The following PHEX variants were observed in gnomAD, a reference collection of about 807,000 sequenced individuals.
The protein encoded by PHEX is phosphate-regulating neutral endopeptidase PHEX.
Under a neutral mutation model 68.0 loss-of-function variants are expected in PHEX, and 16 were observed. The observed-to-expected ratio is 0.24, with a 90% CI of 0.16 to 0.36. The LOEUF (loss-of-function observed/expected upper bound fraction) is 0.36, where lower values mean the gene tolerates loss of function less well. Ranked by LOEUF, PHEX falls within the 10% of genes least tolerant of loss-of-function variation. The pLI is 1.00. For missense variants in PHEX, 480 were observed against 575.5 expected (o/e 0.83, Z 1.70); for synonymous variants, 208 against 205.1 (o/e 1.01, Z -0.12).
chrX:22,114,104 C>T (rs956252251), intron 10 of PHEX, among the ~76,000 whole-genome samples: 2 of 108,411 alleles, frequency 1.8e-5, no homozygotes, highest in African/African-American at 3.4e-5. Context: ...CATGCACCAC[C>T]GTGCCCGGCT....
rs143603077 is a variant in PHEX at position 22,159,116 on chromosome X, G to A, written c.1405-9196G>A. 0.012 allele frequency among the ~76,000 whole-genome samples: 1,325 copies of A among 113,397 alleles called. 63 individuals are homozygous for A. The East Asian group carries it at 0.21, about 18-fold the overall frequency. ...CTTGATAGCTAAGCCGTGCGTGCAC[G>A]TGCACACACATGCACACAGATGATG... is the stretch of plus-strand genomic sequence containing the variant. On this transcript the variant is annotated intron_variant, in intron 12 of 21. Transcript: ENST00000379374.
At chrX:22,090,376 G>T (rs931463073) in intron 5 of PHEX, 53 bp from the exon 6 acceptor site, 4 of 939,699 alleles carry the variant, frequency 4.3e-6, no homozygotes, top group South Asian at 1.9e-5. Flanking sequence ...TGTTAACATG[G>T]TACGTAAGAA....
chrX:22,194,109 C>A (rs1451662604), intron 15 of PHEX, among the ~76,000 whole-genome samples: 1 of 111,989 alleles, frequency 8.9e-6, no homozygotes, highest in African/African-American at 3.2e-5. Context: ...AAGGGCTAAT[C>A]CTATCAGAGG....
chrX:22,218,874 G>T (rs1470903887), intron 16 of PHEX, among the ~76,000 whole-genome samples, 162 bp from the exon 17 acceptor site: 3 of 112,297 alleles, frequency 2.7e-5, no homozygotes, highest in Non-Finnish European at 5.6e-5. Flanking sequence ...CAATTGGAAG[G>T]TATGTTTAGA....
intron 3 of PHEX, among the ~76,000 whole-genome samples, chrX:22,074,973 A>T (rs1484376523): frequency 9.2e-6 from 1 of 108,656 alleles, no homozygotes; most frequent in African/African-American, 3.4e-5. Context: ...GCTACTCGGG[A>T]GGCTGAGACA....
Position 22,131,042 on chromosome X carries a change from A to AT in PHEX, c.1303-2471dup, listed in dbSNP as rs918423685. On this transcript the variant is annotated intron_variant, in intron 11 of 21. Coordinates refer to ENST00000379374, the MANE Select transcript of PHEX (RefSeq NM_000444.6). ...TATTTAGAAATTTTTTGTCAGTATT[A>AT]TTTTTTTTTTCTTTTGAGACTGAGT... Among the ~76,000 whole-genome samples the AT allele has an allele frequency of 3.0e-4, 32 of 107,013 alleles. No individual in the cohort carries two copies. The East Asian group carries it at 3.2e-3, about 11-fold the overall frequency. 92.9% of individuals were successfully genotyped at this position (107,013 alleles called of 115,157 possible).
intron 3 of PHEX, among the ~76,000 whole-genome samples, chrX:22,061,208 ACC>A (rs1344191556): frequency 3.6e-5 from 4 of 112,055 alleles, no homozygotes; most frequent in Middle Eastern, 4.6e-3. Flanking sequence ...CCTTACCTTT[ACC>A]ATACTCTGAA....
At chrX:22,224,008 C>T (rs1410047130) in intron 18 of PHEX, among the ~76,000 whole-genome samples, 1 of 112,145 alleles carries the variant, frequency 8.9e-6, no homozygotes, top group Admixed American at 9.4e-5. Context: ...TTTGAGACAG[C>T]GTCTCGCTGA....
chrX:22,035,999 TACACACACAC>T lies in PHEX; in HGVS notation c.119-2447_119-2438del, dbSNP rs767503875. Among the ~76,000 whole-genome samples the T allele has an allele frequency of 2.1e-3, 160 of 76,733 alleles. 1 individual carries two copies. The highest frequency in any genetic ancestry group is 2.9e-3 in the Non-Finnish European group (122 of 41,917). The allele number at this position is 76,733 out of a possible 115,157, so 66.6% of individuals were successfully genotyped here. ...TGTCAGTGTCCCAATTAATTAATTATACACACACACACACACACACACACACACACACGTA... is the reference window on the plus strand; with the variant it reads ...TGTCAGTGTCCCAATTAATTAATTATACACACACACACACACACACACGTA... On this transcript the variant is annotated intron_variant, in intron 1 of 21. Coordinates refer to ENST00000379374, the MANE Select transcript of PHEX (RefSeq NM_000444.6).
intron 12 of PHEX, among the ~76,000 whole-genome samples, chrX:22,159,931 T>TA (rs1933062973): frequency 1.8e-5 from 2 of 112,337 alleles, no homozygotes; most frequent in Admixed American, 1.9e-4. Flanking sequence ...ATTCAGCTAT[T>TA]GCTAATACCT....
At chrX:22,058,208 T>G (rs1928203879) in intron 3 of PHEX, among the ~76,000 whole-genome samples, 1 of 111,554 alleles carries the variant, frequency 9.0e-6, no homozygotes, top group Non-Finnish European at 1.9e-5. Flanking sequence ...AAAGGGATTC[T>G]GCCACTTATC....
At chrX:22,086,174 C>T (rs1382905408) in intron 5 of PHEX, among the ~76,000 whole-genome samples, 2 of 111,644 alleles carry the variant, frequency 1.8e-5, no homozygotes, top group Admixed American at 1.9e-4. Flanking sequence ...GAAAAGCTGG[C>T]TGGCGGCTAG....
chrX:22,140,088 A>T (rs1299112270), intron 12 of PHEX, among the ~76,000 whole-genome samples: 8 of 111,721 alleles, frequency 7.2e-5, no homozygotes, highest in African/African-American at 2.6e-4. Flanking sequence ...TTCTCAGGCA[A>T]TTCTGATGCT....
chrX:22,223,094 T>G (rs935122683), intron 18 of PHEX, among the ~76,000 whole-genome samples: 2 of 112,305 alleles, frequency 1.8e-5, no homozygotes, highest in Non-Finnish European at 3.8e-5. Flanking sequence ...GGCATGCCTG[T>G]CTTAGCACCA....
intron 3 of PHEX, among the ~76,000 whole-genome samples, chrX:22,070,448 G>C (rs1420163032): frequency 8.9e-6 from 1 of 111,856 alleles, no homozygotes. Context: ...GGGAGGCTGA[G>C]TTAGGAGGAT....
intron 15 of PHEX, among the ~76,000 whole-genome samples, chrX:22,204,798 A>G (rs1445531502): frequency 2.7e-5 from 3 of 112,142 alleles, no homozygotes; most frequent in Admixed American, 1.9e-4. Context: ...GAAGGTAACT[A>G]CAAGGGAATT....
chrX:22,087,943 A>G (rs754224560), intron 5 of PHEX, among the ~76,000 whole-genome samples: 1 of 111,831 alleles, frequency 8.9e-6, no homozygotes, highest in Non-Finnish European at 1.9e-5. Flanking sequence ...ATTTTTTGTG[A>G]TGTACATGTC....
intron 7 of PHEX, among the ~76,000 whole-genome samples, chrX:22,096,468 G>A (rs1297085108): frequency 8.9e-6 from 1 of 112,008 alleles, no homozygotes; most frequent in East Asian, 2.8e-4. Context: ...AGACAAGAGG[G>A]GAAATGAGGG....
chrX:22,202,538 A>G (rs745326267), intron 15 of PHEX, among the ~76,000 whole-genome samples: 2 of 112,449 alleles, frequency 1.8e-5, no homozygotes, highest in African/African-American at 6.4e-5. Context: ...GTTGCATCTT[A>G]AAGATACTGT....
Sources: allele counts gnomAD v4.1 joint callset (sites outside exome capture counted in the v4.1 genomes callset), GRCh38; gene constraint gnomAD v4.1.1; transcripts MANE v1.5; gene names NCBI Gene and HGNC (gene_info 2026-07-23, HGNC 2026-07-21).